PDK1: variants seen among roughly 807,000 people sequenced by gnomAD.
PDK1 encodes the protein [Pyruvate dehydrogenase (acetyl-transferring)] kinase isozyme 1, mitochondrial.
In PDK1, 39 loss-of-function variants were observed where a neutral mutation model predicts 54.2. That is an observed-to-expected ratio of 0.72 (90% CI 0.56 to 0.94). The LOEUF (loss-of-function observed/expected upper bound fraction) is 0.94. PDK1 is among the 40% of genes least tolerant of loss of function. The pLI, the probability that PDK1 is intolerant of heterozygous loss-of-function variation, is 0.00. For missense variants in PDK1, 552 were observed against 566.0 expected (o/e 0.98, Z 0.25); for synonymous variants, 221 against 207.1 (o/e 1.07, Z -0.58).
chr2:172,613,729 T>A, the PDK1 span, among the ~76,000 whole-genome samples: 1 of 152,190 alleles, frequency 6.6e-6, no homozygotes, highest in Non-Finnish European at 1.5e-5. Flanking sequence ...TGTGTAATAA[T>A]GATGCCAGCA....
the PDK1 span, among the ~76,000 whole-genome samples, chr2:172,693,251 C>T: frequency 6.6e-6 from 1 of 152,370 alleles, no homozygotes; most frequent in South Asian, 2.1e-4. Context: ...GTTGATGGCA[C>T]ACTGGCTGGA....
chr2:172,649,461 G>C, the PDK1 span, among the ~76,000 whole-genome samples: 1 of 152,174 alleles, frequency 6.6e-6, no homozygotes. Context: ...ACCAGCAGTG[G>C]AACAAAGCTG....
In PDK1 at chr2:172,608,205, G is replaced by A. The variant is rs1691357656; in HGVS notation, c.*12236G>A. 1.9e-5 allele frequency: 2 copies of A among 103,850 alleles called. No individual in the cohort carries two copies. Among genetic ancestry groups the A allele is most frequent in the African/African-American group, 4.7e-5 (1 of 21,276 alleles). 6.4% of individuals were successfully genotyped at this position (103,850 alleles called of 1,614,324 possible). Reference sequence around the variant, plus strand: ...GAAATGGGATGATAATGATATTGCTGTACTAAAGTCTATTTAGGAAATGGA... The same window carrying A: ...GAAATGGGATGATAATGATATTGCTATACTAAAGTCTATTTAGGAAATGGA... On this transcript the variant is annotated 3_prime_UTR_variant, in exon 11 of 11. Transcript: ENST00000282077.
chr2:172,650,854 A>G, the PDK1 span, among the ~76,000 whole-genome samples: 1 of 152,222 alleles, frequency 6.6e-6, no homozygotes, highest in Non-Finnish European at 1.5e-5. Flanking sequence ...ACCTACAAAG[A>G]GACTTAGACT....
intron 10 of PDK1, among the ~76,000 whole-genome samples, chr2:172,593,503 T>A (rs1434066529): frequency 6.6e-6 from 1 of 152,222 alleles, no homozygotes; most frequent in Non-Finnish European, 1.5e-5. Flanking sequence ...TTTTGGACTT[T>A]TATGCAGTCC....
intron 6 of PDK1, among the ~76,000 whole-genome samples, chr2:172,567,976 T>C (rs1483158139): frequency 1.3e-5 from 2 of 152,252 alleles, no homozygotes; most frequent in South Asian, 4.1e-4. Context: ...TTCAGCTTTA[T>C]ATCCATCGAA....
At chr2:172,622,056 GAT>G in the PDK1 span, among the ~76,000 whole-genome samples, 4 of 145,972 alleles carry the variant, frequency 2.7e-5, no homozygotes, top group Non-Finnish European at 3.0e-5. Flanking sequence ...ATATATGTGA[GAT>G]ATGTTTATAT....
the PDK1 span, among the ~76,000 whole-genome samples, chr2:172,686,471 A>C: frequency 6.6e-6 from 1 of 152,222 alleles, no homozygotes; most frequent in Non-Finnish European, 1.5e-5. Context: ...ACCAATCAGC[A>C]CACTGTAAAA....
chr2:172,565,418 C>T (rs954946176), intron 5 of PDK1, among the ~76,000 whole-genome samples: 1 of 152,140 alleles, frequency 6.6e-6, no homozygotes, highest in African/African-American at 2.4e-5. Context: ...ATTGTCTTGC[C>T]TCAGCCTCCC....
chr2:172,636,082 G>T, the PDK1 span, among the ~76,000 whole-genome samples: 2 of 152,160 alleles, frequency 1.3e-5, no homozygotes, highest in African/African-American at 4.8e-5. Flanking sequence ...CAGTGGCCTT[G>T]GCCTCTCCAT....
At chr2:172,562,035 A>G (rs927986212) in intron 2 of PDK1, among the ~76,000 whole-genome samples, 185 bp from the exon 3 acceptor site, 6 of 152,224 alleles carry the variant, frequency 3.9e-5, no homozygotes, top group African/African-American at 9.6e-5. Flanking sequence ...TGCACCTTCT[A>G]CCATTCATTC....
chr2:172,570,780 A>G lies in PDK1; in HGVS notation c.901A>G (p.Ile301Val). ...TGCCAACAGAGGTGTTTACCCCCCT[A>G]TTCAAGTTCATGTCACGCTGGGTAA... ...HHANRGVYPP[I>V]QVHVTLGNED... The change falls in exon 8 of 11, where the codon ATT becomes GTT. Residue 301 changes from isoleucine to valine, a missense_variant. Physicochemically the swap from Ile to Val is conservative, Grantham distance 29 (BLOSUM62 3). Transcript: ENST00000282077. 2.5e-6 allele frequency: 4 copies of G among 1,612,208 alleles called. No individual in the cohort carries two copies. The South Asian group carries it at 3.3e-5, about 13-fold the overall frequency.
At chr2:172,617,139 G>A in the PDK1 span, among the ~76,000 whole-genome samples, 1 of 151,914 alleles carries the variant, frequency 6.6e-6, no homozygotes, top group East Asian at 1.9e-4. Flanking sequence ...TTTCAGTAGG[G>A]ATGGATTTTC....
At chr2:172,568,327 CAAAAAAAAAA>C (rs11400625) in intron 6 of PDK1, among the ~76,000 whole-genome samples, 3 of 57,114 alleles carry the variant, frequency 5.3e-5, no homozygotes, top group African/African-American at 1.3e-4. Flanking sequence ...GACTCCGTCT[CAAAAAAAAAA>C]AAAAAAAAAA....
intron 1 of PDK1, among the ~76,000 whole-genome samples, 188 bp from the exon 2 acceptor site, chr2:172,558,520 G>A (rs918276672): frequency 1.3e-5 from 2 of 152,200 alleles, no homozygotes; most frequent in Non-Finnish European, 2.9e-5. Flanking sequence ...CATAACTCTG[G>A]AGACTGGGTT....
At chr2:172,682,318 C>A in the PDK1 span, among the ~76,000 whole-genome samples, 1 of 152,194 alleles carries the variant, frequency 6.6e-6, no homozygotes, top group African/African-American at 2.4e-5. Flanking sequence ...GGTACTGGGA[C>A]ATGGAAGCCC....
chr2:172,690,736 C>T, the PDK1 span, among the ~76,000 whole-genome samples: 1 of 148,820 alleles, frequency 6.7e-6, no homozygotes, highest in Non-Finnish European at 1.5e-5. Context: ...TCATTCTCAG[C>T]AAACTGTCAC....
At position 172,556,176 on chromosome 2, in the gene PDK1, G is replaced by T; in HGVS notation, c.26G>T (p.Gly9Val). The T allele has an allele frequency of 2.8e-6, 4 of 1,418,734 alleles. No homozygotes were observed. Among genetic ancestry groups the T allele is most frequent in the Non-Finnish European group, 3.7e-6 (4 of 1,093,256 alleles). 87.9% of individuals were successfully genotyped at this position (1,418,734 alleles called of 1,614,324 possible). The change falls in exon 1 of 11, where the codon GGA becomes GTA. Residue 9 changes from glycine to valine, a missense_variant. Gly to Val is a moderately radical substitution (Grantham distance 109). Coordinates refer to ENST00000282077, the MANE Select transcript of PDK1 (RefSeq NM_002610.5). ...ATGAGGCTGGCGCGGCTGCTTCGCG[G>T]AGCCGCCTTGGCCGGCCCGGGCCCG... The part of the protein sequence containing the change: MRLARLLR[G>V]AALAGPGPGL...
chr2:172,592,623 A>G (rs1418601093), intron 9 of PDK1, among the ~76,000 whole-genome samples: 1 of 152,108 alleles, frequency 6.6e-6, no homozygotes, highest in African/African-American at 2.4e-5. Flanking sequence ...ACTGGAAGGA[A>G]CCAATTCCAG....
Sources: gnomAD v4.1 joint callset for allele counts (sites outside exome capture counted in the v4.1 genomes callset) on GRCh38, gnomAD v4.1.1 for gene constraint, MANE v1.5 for transcripts, NCBI Gene and HGNC (gene_info 2026-07-23, HGNC 2026-07-21) for gene names.